Variants in SHROOM3 observed in about 807,000 individuals in gnomAD.
SHROOM3 encodes the protein shroom family member 3, also known as protein Shroom3.
Under a neutral mutation model 138.6 loss-of-function variants are expected in SHROOM3, and 47 were observed. The observed-to-expected ratio is 0.34, with a 90% confidence interval of 0.27 to 0.43. The LOEUF is 0.43. Ranked by LOEUF, SHROOM3 falls within the 20% of genes least tolerant of loss-of-function variation. The pLI is 1.00. For synonymous variants in SHROOM3, 1,062 were observed against 1,063.3 expected (o/e 1.00, Z 0.02); for missense variants, 2,491 against 2,596.5 (o/e 0.96, Z 0.88).
chr4:76,671,209 A>G (rs535034634), intron 2 of SHROOM3, among the ~76,000 whole-genome samples: 1 of 152,330 alleles, frequency 6.6e-6, no homozygotes, highest in African/African-American at 2.4e-5. Context: ...TAGAGGGGCC[A>G]GCATCACCTC....
intron 2 of SHROOM3, among the ~76,000 whole-genome samples, chr4:76,615,303 G>A (rs969433114): frequency 5.3e-5 from 8 of 152,130 alleles, no homozygotes; most frequent in African/African-American, 1.4e-4. Flanking sequence ...TTAATACACC[G>A]TGTTACCTGT....
intron 1 of SHROOM3, among the ~76,000 whole-genome samples, chr4:76,442,908 G>T (rs1730725199): frequency 6.6e-6 from 1 of 152,114 alleles, no homozygotes; most frequent in South Asian, 2.1e-4. Flanking sequence ...TAAAGAGGAA[G>T]ATAAGTATTA....
chr4:76,541,954 T>C (rs1331308802), intron 1 of SHROOM3, among the ~76,000 whole-genome samples: 2 of 152,138 alleles, frequency 1.3e-5, no homozygotes, highest in Non-Finnish European at 2.9e-5. Context: ...TCTATGATGG[T>C]GCTCATTCTC....
At chr4:76,550,700 C>T (rs1233528015) in intron 1 of SHROOM3, among the ~76,000 whole-genome samples, 2 of 152,018 alleles carry the variant, frequency 1.3e-5, no homozygotes, top group Admixed American at 1.3e-4. Flanking sequence ...AGTGCCATTT[C>T]AAAAACGTCA....
At chr4:76,640,839 T>C (rs1735646595) in intron 2 of SHROOM3, among the ~76,000 whole-genome samples, 1 of 152,212 alleles carries the variant, frequency 6.6e-6, no homozygotes, top group African/African-American at 2.4e-5. Context: ...AAAGGAGAGC[T>C]GCAGGCTAAG....
intron 1 of SHROOM3, among the ~76,000 whole-genome samples, chr4:76,475,209 A>G (rs965260190): frequency 2.0e-5 from 3 of 152,176 alleles, no homozygotes; most frequent in African/African-American, 4.8e-5. Flanking sequence ...ACCTCATTTC[A>G]TAGGAAAGAG....
At chr4:76,749,586 C>T (rs1478992696) in intron 6 of SHROOM3, among the ~76,000 whole-genome samples, 5 of 152,144 alleles carry the variant, frequency 3.3e-5, no homozygotes, top group Non-Finnish European at 7.3e-5. Context: ...ATCTGGTGAC[C>T]ACAGTGCTAG....
intron 1 of SHROOM3, among the ~76,000 whole-genome samples, chr4:76,518,662 G>A (rs959253770): frequency 5.3e-5 from 8 of 152,072 alleles, no homozygotes; most frequent in South Asian, 2.1e-4. Context: ...AGGGTTCTAC[G>A]GAGCTTATCT....
intron 1 of SHROOM3, among the ~76,000 whole-genome samples, chr4:76,468,217 G>A (rs1344159844): frequency 6.6e-6 from 1 of 152,200 alleles, no homozygotes; most frequent in Non-Finnish European, 1.5e-5. Flanking sequence ...TCTACATATA[G>A]GGGACATTCC....
intron 9 of SHROOM3, among the ~76,000 whole-genome samples, chr4:76,764,256 A>C (rs1156671045): frequency 1.3e-5 from 2 of 152,236 alleles, no homozygotes; most frequent in East Asian, 3.8e-4. Flanking sequence ...CAGTGTAAAT[A>C]ATCAGAGCTG....
chr4:76,760,425 C>T (rs527420975), intron 9 of SHROOM3, among the ~76,000 whole-genome samples: 1 of 152,362 alleles, frequency 6.6e-6, no homozygotes, highest in South Asian at 2.1e-4. Context: ...GCTGTGCTTG[C>T]AGCTCTCTAT....
At chr4:76,522,348 A>G (rs570522170) in intron 1 of SHROOM3, among the ~76,000 whole-genome samples, 50 of 150,828 alleles carry the variant, frequency 3.3e-4, no homozygotes, top group African/African-American at 1.1e-3. Flanking sequence ...ATATAATTAT[A>G]TGAGAATATC....
intron 2 of SHROOM3, among the ~76,000 whole-genome samples, chr4:76,640,025 G>A (rs1735619546): frequency 6.6e-6 from 1 of 151,952 alleles, no homozygotes; most frequent in African/African-American, 2.4e-5. Context: ...TCTGAATGGT[G>A]TTTATTTTAG....
At position 76,553,593 on chromosome 4, in the gene SHROOM3, C is replaced by T. The variant is rs550207426; in HGVS notation, c.169-2016C>T. ...ACGAGGCCCACCTCGTGGTTTCAAG[C>T]GATTCTCCCACTTCAGCCTCCCAAC... On this transcript the variant is annotated intron_variant, in intron 1 of 10. Transcript: ENST00000296043. Among the ~76,000 whole-genome samples the T allele has an allele frequency of 3.3e-5, 5 of 152,072 alleles. No homozygotes were observed. The East Asian group carries it at 5.8e-4, about 18-fold the overall frequency.
chr4:76,595,273 A>C (rs1034979833), intron 2 of SHROOM3, among the ~76,000 whole-genome samples: 7 of 152,188 alleles, frequency 4.6e-5, no homozygotes, highest in Non-Finnish European at 8.8e-5. Context: ...TTTGGATTAC[A>C]TAGTTGTTCA....
In SHROOM3 at chr4:76,608,612, TTGGACAG is replaced by T. The variant is rs1323176910; in HGVS notation, c.323+52850_323+52856del. On this transcript the variant is annotated intron_variant, in intron 2 of 10. Coordinates refer to ENST00000296043, the MANE Select transcript of SHROOM3 (RefSeq NM_020859.4). ...TAGCATAGCATAGCATAGCATAGCA[TTGGACAG>T]AGATGGTATAGCATAGCATAGCATA... 5.8e-4 allele frequency among the ~76,000 whole-genome samples: 49 copies of T among 84,304 alleles called. 3 individuals are homozygous for T. The highest frequency in any genetic ancestry group is 1.6e-3 in the East Asian group (4 of 2,458). The allele number at this position is 84,304 out of a possible 152,430, so 55.3% of individuals were successfully genotyped here. A position where few individuals can be genotyped will look rare whatever the true frequency, so the allele number is the denominator to read the frequency against.
At chr4:76,668,223 AG>A (rs1313913247) in intron 2 of SHROOM3, among the ~76,000 whole-genome samples, 2 of 151,890 alleles carry the variant, frequency 1.3e-5, no homozygotes, top group Non-Finnish European at 2.9e-5. Flanking sequence ...CGATCATATT[AG>A]TTTGAAGGTG....
Position 76,577,135 on chromosome 4 carries a change from A to T in SHROOM3, c.323+21372A>T, listed in dbSNP as rs546678596. On this transcript the variant is annotated intron_variant, in intron 2 of 10. Coordinates refer to ENST00000296043, the MANE Select transcript of SHROOM3 (RefSeq NM_020859.4). ...AGAAGGAGCTGGTCAAATAGATCTG[A>T]CTCTAGCGTTCCAAAAGGGTAATCG... Among the ~76,000 whole-genome samples the T allele has an allele frequency of 2.6e-5, 4 of 152,304 alleles. No homozygotes were observed. In the East Asian group the frequency reaches 7.7e-4, roughly 29 times the overall value.
At chr4:76,543,104 C>G (rs1733140588) in intron 1 of SHROOM3, among the ~76,000 whole-genome samples, 1 of 152,242 alleles carries the variant, frequency 6.6e-6, no homozygotes, top group African/African-American at 2.4e-5. Context: ...CACATTCATT[C>G]TGTCTGGTCC....
Sources: allele counts gnomAD v4.1 joint callset (sites outside exome capture counted in the v4.1 genomes callset), GRCh38; gene constraint gnomAD v4.1.1; transcripts MANE v1.5; gene names NCBI Gene and HGNC (gene_info 2026-07-23, HGNC 2026-07-21).